SNTG1: variants seen among roughly 807,000 people sequenced by gnomAD.
The protein encoded by SNTG1 is gamma-1-syntrophin.
Under a neutral mutation model 74.7 loss-of-function variants are expected in SNTG1, and 39 were observed. The observed-to-expected ratio is 0.52, with a 90% CI of 0.40 to 0.68. The LOEUF (loss-of-function observed/expected upper bound fraction) is 0.68, where lower values mean the gene tolerates loss of function less well. Among genes scored for constraint, SNTG1 ranks in the 30% least tolerant of loss-of-function variants. The pLI is 0.00. For synonymous variants in SNTG1, 254 were observed against 217.1 expected (o/e 1.17, Z -1.49); for missense variants, 685 against 609.5 (o/e 1.12, Z -1.30).
chr8:50,342,918 G>A (rs986756862), intron 2 of SNTG1, among the ~76,000 whole-genome samples: 7 of 152,072 alleles, frequency 4.6e-5, no homozygotes, highest in African/African-American at 1.4e-4. Flanking sequence ...GAGATATGGG[G>A]CCATCTGCCT....
At chr8:49,934,280 GATCTATCTATCT>G (rs6150575) in intron 1 of SNTG1, among the ~76,000 whole-genome samples, 9,118 of 146,402 alleles carry the variant, frequency 0.062, 354 homozygotes, top group African/African-American at 0.11. Context: ...ATACTATATA[GATCTATCTATCT>G]ATCTATCTAT....
At chr8:50,533,270 C>A (rs924409681) in intron 10 of SNTG1, among the ~76,000 whole-genome samples, 1 of 152,134 alleles carries the variant, frequency 6.6e-6, no homozygotes, top group African/African-American at 2.4e-5. Context: ...AACTGTACAC[C>A]TTTAATTAAT....
chr8:50,792,204 C>T (rs1317444410), intron 18 of SNTG1, among the ~76,000 whole-genome samples: 1 of 151,492 alleles, frequency 6.6e-6, no homozygotes, highest in Admixed American at 6.6e-5. Context: ...GAGTTCATAT[C>T]CCCTTACTTC....
intron 15 of SNTG1, among the ~76,000 whole-genome samples, chr8:50,680,934 A>G (rs574708814): frequency 6.6e-6 from 1 of 152,328 alleles, no homozygotes; most frequent in African/African-American, 2.4e-5. Flanking sequence ...CAGTAATGTG[A>G]AAACACAATG....
At chr8:50,765,361 C>T (rs1322011155) in intron 18 of SNTG1, among the ~76,000 whole-genome samples, 1 of 152,000 alleles carries the variant, frequency 6.6e-6, no homozygotes, top group African/African-American at 2.4e-5. Context: ...TACTGGTCTG[C>T]ATCCATTGGT....
rs77097568 is a variant in SNTG1, at chr8:50,363,556, G to A, written c.-27-30656G>A. On this transcript the variant is annotated intron_variant, in intron 2 of 18. Transcript: ENST00000642720. ...TGTAATAACTTTTAGATCCTCAGTT[G>A]TGAAGTGACTAGTGAGGAAACGAGA... is the stretch of plus-strand genomic sequence containing the variant. Among the ~76,000 whole-genome samples, 61 of 152,246 alleles carry A rather than the reference G, an allele frequency of 4.0e-4. No homozygotes were observed. The East Asian group carries it at 0.011, about 27-fold the overall frequency.
At chr8:50,718,736 A>C (rs1432776477) in intron 17 of SNTG1, among the ~76,000 whole-genome samples, 2 of 152,222 alleles carry the variant, frequency 1.3e-5, no homozygotes, top group Admixed American at 6.5e-5. Context: ...GGTCCATAGA[A>C]TTTGCATCAA....
chr8:50,387,288 C>T (rs1209270038), intron 2 of SNTG1, among the ~76,000 whole-genome samples: 2 of 152,060 alleles, frequency 1.3e-5, no homozygotes, highest in Admixed American at 6.6e-5. Flanking sequence ...GAGAAGAGTG[C>T]CCGAAGAGCT....
At chr8:50,704,548 T>A (rs779887980) in intron 15 of SNTG1, 52 bp from the exon 16 acceptor site, 6 of 1,612,658 alleles carry the variant, frequency 3.7e-6, no homozygotes, top group Non-Finnish European at 8.5e-7. Flanking sequence ...ATGGCCAGGT[T>A]AGCAATGTGA....
At chr8:50,002,163 G>C (rs1269508025) in intron 1 of SNTG1, among the ~76,000 whole-genome samples, 2 of 152,144 alleles carry the variant, frequency 1.3e-5, no homozygotes, top group Non-Finnish European at 2.9e-5. Flanking sequence ...AGAATAAGAT[G>C]TTGCAGGAAG....
At chr8:49,924,595 G>C (rs1187960679) in intron 1 of SNTG1, among the ~76,000 whole-genome samples, 1 of 152,140 alleles carries the variant, frequency 6.6e-6, no homozygotes, top group Non-Finnish European at 1.5e-5. Flanking sequence ...TTAGGAAGCT[G>C]ACCCTCAGAA....
At chr8:50,738,342 C>A (rs1460682328) in intron 17 of SNTG1, among the ~76,000 whole-genome samples, 3 of 152,020 alleles carry the variant, frequency 2.0e-5, no homozygotes, top group Non-Finnish European at 4.4e-5. Flanking sequence ...CCTAGGGATA[C>A]AACTTACTAA....
At chr8:50,081,497 A>G (rs1400925455) in intron 1 of SNTG1, among the ~76,000 whole-genome samples, 2 of 152,044 alleles carry the variant, frequency 1.3e-5, no homozygotes, top group African/African-American at 4.8e-5. Flanking sequence ...TTTTTCCTGT[A>G]CTATTTTTCT....
intron 13 of SNTG1, among the ~76,000 whole-genome samples, chr8:50,599,064 A>C (rs1488349355): frequency 6.6e-6 from 1 of 151,996 alleles, no homozygotes; most frequent in Non-Finnish European, 1.5e-5. Context: ...CACATCATGG[A>C]AAATGGAGTG....
chr8:50,736,958 TG>T (rs2095530437), intron 17 of SNTG1, among the ~76,000 whole-genome samples: 1 of 151,870 alleles, frequency 6.6e-6, no homozygotes, highest in East Asian at 1.9e-4. Flanking sequence ...CTGGAGAAAG[TG>T]GGAAAGATCT....
intron 16 of SNTG1, among the ~76,000 whole-genome samples, chr8:50,705,074 C>T (rs2095438890): frequency 6.6e-6 from 1 of 152,124 alleles, no homozygotes; most frequent in African/African-American, 2.4e-5. Context: ...AGGTCACTTC[C>T]TGTTCTCCAA....
chr8:50,039,140 T>A (rs1818406224), intron 1 of SNTG1, among the ~76,000 whole-genome samples: 1 of 152,142 alleles, frequency 6.6e-6, no homozygotes, highest in Admixed American at 6.6e-5. Context: ...TGATTGTATC[T>A]GATAAGTAAC....
chr8:50,704,450 G>C, intron 15 of SNTG1, 150 bp from the exon 16 acceptor site: 1 of 920,390 alleles, frequency 1.1e-6, no homozygotes, highest in African/African-American at 1.6e-5. Context: ...GAAGCCCGGA[G>C]TTCTGGTATA....
At chr8:49,928,547 T>TAA (rs1165976979) in intron 1 of SNTG1, among the ~76,000 whole-genome samples, 2 of 152,028 alleles carry the variant, frequency 1.3e-5, no homozygotes, top group African/African-American at 4.8e-5. Flanking sequence ...TCTTAGACTG[T>TAA]AATAAATACA....
Sources: gnomAD v4.1 joint callset for allele counts (sites outside exome capture counted in the v4.1 genomes callset) on GRCh38, gnomAD v4.1.1 for gene constraint, MANE v1.5 for transcripts, NCBI Gene and HGNC (gene_info 2026-07-23, HGNC 2026-07-21) for gene names.